Variants in TAS2R1 observed in about 807,000 individuals in gnomAD.
TAS2R1 encodes the protein taste 2 receptor member 1.
For missense variants in TAS2R1, 370 were observed against 353.4 expected (o/e 1.05, Z -0.38); for synonymous variants, 141 against 134.2 (o/e 1.05, Z -0.35).
chr5:9,716,545 TTATA>T (rs5865851), upstream of TAS2R1, among the ~76,000 whole-genome samples: 90 of 147,886 alleles, frequency 6.1e-4, no homozygotes, highest in Admixed American at 6.1e-4. Flanking sequence ...AGTACATATA[TTATA>T]TATATATATA....
At chr5:9,759,355 C>T in the TAS2R1 span, among the ~76,000 whole-genome samples, 1 of 152,154 alleles carries the variant, frequency 6.6e-6, no homozygotes, top group Admixed American at 6.5e-5. Flanking sequence ...AGGATGCACA[C>T]TCTTTGAGGG....
the TAS2R1 span, among the ~76,000 whole-genome samples, chr5:9,798,155 T>C: frequency 6.6e-6 from 1 of 152,196 alleles, no homozygotes; most frequent in Non-Finnish European, 1.5e-5. Flanking sequence ...ATTTGATTAA[T>C]ATGAACGATC....
chr5:9,740,107 A>G, the TAS2R1 span, among the ~76,000 whole-genome samples: 1 of 152,292 alleles, frequency 6.6e-6, no homozygotes, highest in Admixed American at 6.5e-5. Flanking sequence ...ACTGTAACCA[A>G]AACGACCTCT....
At chr5:9,747,934 G>C in the TAS2R1 span, among the ~76,000 whole-genome samples, 3 of 151,958 alleles carry the variant, frequency 2.0e-5, no homozygotes, top group African/African-American at 7.3e-5. Context: ...GAGCTGGGAT[G>C]GGTCTAGCCC....
the TAS2R1 span, among the ~76,000 whole-genome samples, chr5:9,893,802 G>A: frequency 6.6e-6 from 1 of 152,112 alleles, no homozygotes; most frequent in Non-Finnish European, 1.5e-5. Flanking sequence ...AAGACTCTGT[G>A]GGAGGAAAAA....
the TAS2R1 span, among the ~76,000 whole-genome samples, chr5:9,824,547 AG>A: frequency 6.6e-6 from 1 of 152,186 alleles, no homozygotes; most frequent in Non-Finnish European, 1.5e-5. Flanking sequence ...GGGATGGGTA[AG>A]GCTGTGGTCC....
the TAS2R1 span, among the ~76,000 whole-genome samples, chr5:9,864,687 T>A: frequency 4.7e-5 from 7 of 149,830 alleles, no homozygotes; most frequent in African/African-American, 1.5e-4. Context: ...CTTCATATGA[T>A]GATAGAGTGC....
the TAS2R1 span, among the ~76,000 whole-genome samples, chr5:9,780,985 G>A: frequency 1.3e-5 from 2 of 152,092 alleles, no homozygotes; most frequent in Admixed American, 6.5e-5. Flanking sequence ...TTTCAAACTT[G>A]CCAGCTCCCA....
upstream of TAS2R1, among the ~76,000 whole-genome samples, chr5:9,715,758 A>G (rs1734797824): frequency 6.6e-6 from 1 of 152,204 alleles, no homozygotes; most frequent in Admixed American, 6.5e-5. Flanking sequence ...GATTGTTAAT[A>G]CCTGACAGTG....
intron 1 of TAS2R1, among the ~76,000 whole-genome samples, chr5:9,697,269 C>T (rs1283591318): frequency 1.3e-5 from 2 of 151,692 alleles, no homozygotes; most frequent in South Asian, 2.1e-4. Context: ...CTCAAAAATA[C>T]AAAATTTTGT....
At chr5:9,816,532 C>CTT in the TAS2R1 span, among the ~76,000 whole-genome samples, 2 of 151,022 alleles carry the variant, frequency 1.3e-5, no homozygotes, top group African/African-American at 4.9e-5. Flanking sequence ...AAATCTATTG[C>CTT]TTTTTTTTTC....
intron 1 of TAS2R1, among the ~76,000 whole-genome samples, chr5:9,674,817 T>C (rs1740840113): frequency 6.6e-6 from 1 of 152,002 alleles, no homozygotes; most frequent in South Asian, 2.1e-4. Context: ...AACATCTCTC[T>C]CCTCACTTCT....
At chr5:9,721,977 G>A in the TAS2R1 span, among the ~76,000 whole-genome samples, 2 of 152,144 alleles carry the variant, frequency 1.3e-5, no homozygotes, top group Admixed American at 1.3e-4. Context: ...CTCCTTATAG[G>A]TGGCCAGACC....
chr5:9,894,443 A>G, the TAS2R1 span, among the ~76,000 whole-genome samples: 8 of 152,090 alleles, frequency 5.3e-5, no homozygotes, highest in Admixed American at 4.6e-4. Flanking sequence ...ACACAAACAG[A>G]GGCAGCAGGG....
At chr5:9,863,135 C>G in the TAS2R1 span, 4 of 152,026 alleles carry the variant, frequency 2.6e-5, no homozygotes, top group Non-Finnish European at 5.9e-5. Context: ...AATATAATAT[C>G]ATATTAAATA....
chr5:9,640,090 AT>A (rs1250901706), intron 2 of TAS2R1, among the ~76,000 whole-genome samples: 1 of 152,196 alleles, frequency 6.6e-6, no homozygotes, highest in Non-Finnish European at 1.5e-5. Flanking sequence ...TTAATTTAAA[AT>A]AAGAGACAGG....
the TAS2R1 span, among the ~76,000 whole-genome samples, chr5:9,875,692 G>A: frequency 9.2e-5 from 14 of 152,132 alleles, no homozygotes; most frequent in Non-Finnish European, 2.1e-4. Context: ...GTGTGGCTGC[G>A]CTCGAATGGG....
chr5:9,767,252 A>T, the TAS2R1 span, among the ~76,000 whole-genome samples: 1 of 151,726 alleles, frequency 6.6e-6, no homozygotes, highest in Non-Finnish European at 1.5e-5. Context: ...TCTAGGATGC[A>T]TCCTTCATTT....
intron 1 of TAS2R1, among the ~76,000 whole-genome samples, chr5:9,707,198 C>T (rs923603850): frequency 1.3e-5 from 2 of 152,146 alleles, no homozygotes; most frequent in African/African-American, 4.8e-5. Context: ...GAAGGATTCC[C>T]TCAGGCTGGT....
Sources: allele counts gnomAD v4.1 joint callset (sites outside exome capture counted in the v4.1 genomes callset), GRCh38; gene constraint gnomAD v4.1.1; transcripts MANE v1.5; gene names NCBI Gene and HGNC (gene_info 2026-07-23, HGNC 2026-07-21).